CDKAL1: variants seen among roughly 807,000 people sequenced by gnomAD.
CDKAL1 encodes the protein threonylcarbamoyladenosine tRNA methylthiotransferase.
A neutral mutation model predicts 68.2 loss-of-function variants in CDKAL1; 32 were observed. The ratio of observed to expected loss-of-function variants is 0.47; its 90% confidence interval spans 0.35 to 0.63. The LOEUF is 0.63. Among genes scored for constraint, CDKAL1 ranks in the 30% least tolerant of loss-of-function variants. The pLI, the probability that CDKAL1 is intolerant of heterozygous loss-of-function variation, is 0.00. For missense variants in CDKAL1, 606 were observed against 696.7 expected (o/e 0.87, Z 1.47); for synonymous variants, 234 against 244.3 (o/e 0.96, Z 0.39).
intron 13 of CDKAL1, among the ~76,000 whole-genome samples, chr6:21,139,108 A>T (rs1221481760): frequency 1.3e-5 from 2 of 152,246 alleles, no homozygotes; most frequent in African/African-American, 4.8e-5. Flanking sequence ...AGTATTAGCT[A>T]CTAATTGTTG....
chr6:20,608,860 A>T (rs537195461), intron 4 of CDKAL1, among the ~76,000 whole-genome samples: 1 of 152,302 alleles, frequency 6.6e-6, no homozygotes, highest in Non-Finnish European at 1.5e-5. Flanking sequence ...AAGGCTCTCA[A>T]ACTATTGGTG....
intron 9 of CDKAL1, among the ~76,000 whole-genome samples, chr6:20,907,464 G>A (rs1448902343): frequency 6.6e-6 from 1 of 151,914 alleles, no homozygotes; most frequent in East Asian, 1.9e-4. Context: ...ATGTTATATG[G>A]AACATAACGT....
intron 3 of CDKAL1, among the ~76,000 whole-genome samples, 170 bp from the exon 4 acceptor site, chr6:20,548,423 C>A (rs1447974928): frequency 6.6e-6 from 1 of 151,662 alleles, no homozygotes; most frequent in Non-Finnish European, 1.5e-5. Context: ...GTCCCAGCTA[C>A]TTGGGAGGCT....
At chr6:20,957,336 T>C (rs1000426763) in intron 10 of CDKAL1, among the ~76,000 whole-genome samples, 1 of 152,200 alleles carries the variant, frequency 6.6e-6, no homozygotes, top group African/African-American at 2.4e-5. Flanking sequence ...TTTTAATTGA[T>C]TGCAAGATTG....
intron 11 of CDKAL1, among the ~76,000 whole-genome samples, chr6:21,025,562 G>C (rs1768907590): frequency 6.6e-6 from 1 of 152,078 alleles, no homozygotes; most frequent in Non-Finnish European, 1.5e-5. Context: ...TGTTTGTTTG[G>C]GGGTAGGAAT....
chr6:20,775,433 C>T (rs184774991), intron 7 of CDKAL1, among the ~76,000 whole-genome samples: 2 of 152,310 alleles, frequency 1.3e-5, no homozygotes, highest in Admixed American at 6.5e-5. Flanking sequence ...CATCACAGTG[C>T]TAGGCCTCAG....
At chr6:21,079,496 A>G (rs1772261384) in intron 12 of CDKAL1, among the ~76,000 whole-genome samples, 1 of 152,222 alleles carries the variant, frequency 6.6e-6, no homozygotes, top group South Asian at 2.1e-4. Flanking sequence ...CTTTTGGACT[A>G]AATCATTCCA....
intron 11 of CDKAL1, among the ~76,000 whole-genome samples, chr6:21,033,773 C>T (rs1336973359): frequency 6.6e-6 from 1 of 152,104 alleles, no homozygotes; most frequent in Non-Finnish European, 1.5e-5. Context: ...GCTGGCATGG[C>T]ACAGGGACAC....
intron 13 of CDKAL1, among the ~76,000 whole-genome samples, chr6:21,136,329 G>GT (rs1315192498): frequency 1.3e-5 from 2 of 152,196 alleles, no homozygotes; most frequent in Non-Finnish European, 2.9e-5. Context: ...AATACAAACA[G>GT]TAAGATTCTG....
chr6:20,756,067 G>C (rs745480392), intron 6 of CDKAL1: 5 of 152,106 alleles, frequency 3.3e-5, no homozygotes, highest in Non-Finnish European at 5.9e-5. Context: ...GAGACGAAGA[G>C]TTGGCCCTTT....
intron 15 of CDKAL1, among the ~76,000 whole-genome samples, chr6:21,209,308 G>A (rs1481003921): frequency 1.3e-5 from 2 of 152,144 alleles, no homozygotes; most frequent in East Asian, 1.9e-4. Flanking sequence ...AAGGAGCAGT[G>A]AGCCTGGGAC....
At chr6:21,086,620 C>G (rs1403632309) in intron 12 of CDKAL1, among the ~76,000 whole-genome samples, 3 of 152,144 alleles carry the variant, frequency 2.0e-5, no homozygotes, top group Admixed American at 6.5e-5. Context: ...TGAGTCTTCT[C>G]TCTGCTTGCT....
chr6:20,782,759 A>G lies in CDKAL1; in HGVS notation c.638+1494A>G, dbSNP rs147002849. Among the ~76,000 whole-genome samples the G allele has an allele frequency of 8.3e-4, 127 of 152,294 alleles. No homozygotes were observed. In the East Asian group the frequency reaches 0.015, roughly 18 times the overall value. On this transcript the variant is annotated intron_variant, in intron 8 of 15. Transcript: ENST00000274695. ...CCCCAGTGAGTAGAAAATTATACAC[A>G]GTAGGGATTTAATGCATATTTATTT...
At chr6:20,550,641 T>TG (rs983175849) in intron 4 of CDKAL1, among the ~76,000 whole-genome samples, 10 of 152,082 alleles carry the variant, frequency 6.6e-5, no homozygotes, top group African/African-American at 2.4e-4. Flanking sequence ...GAGGTCCTCT[T>TG]GGGGGATGGA....
At chr6:20,820,768 A>T (rs1307358859) in intron 8 of CDKAL1, among the ~76,000 whole-genome samples, 1 of 152,076 alleles carries the variant, frequency 6.6e-6, no homozygotes, top group Non-Finnish European at 1.5e-5. Flanking sequence ...TTGAGGGCCT[A>T]CTGTGTACCA....
At chr6:21,110,986 T>TA (rs1233215198) in intron 13 of CDKAL1, among the ~76,000 whole-genome samples, 6 of 151,946 alleles carry the variant, frequency 3.9e-5, no homozygotes, top group African/African-American at 1.5e-4. Flanking sequence ...ACATTTTTTT[T>TA]TAAAATAATT....
chr6:20,992,344 A>G (rs115599175), intron 10 of CDKAL1, among the ~76,000 whole-genome samples: 16,366 of 151,546 alleles, frequency 0.11, 1,662 homozygotes, highest in African/African-American at 0.27. Flanking sequence ...TGGGATTACT[A>G]GTGTGAGCCA....
At chr6:21,189,493 A>AGC (rs1308523008) in intron 13 of CDKAL1, among the ~76,000 whole-genome samples, 37 of 152,218 alleles carry the variant, frequency 2.4e-4, no homozygotes, top group African/African-American at 8.7e-4. Context: ...GTTTTCAAAT[A>AGC]ATCTAATGAA....
At chr6:20,557,062 T>TAA (rs1561923510) in intron 4 of CDKAL1, among the ~76,000 whole-genome samples, 2 of 134,736 alleles carry the variant, frequency 1.5e-5, no homozygotes, top group Non-Finnish European at 3.3e-5. Flanking sequence ...AATAAATAAA[T>TAA]AAATAAATAA....
Sources: gnomAD v4.1 joint callset for allele counts (sites outside exome capture counted in the v4.1 genomes callset) on GRCh38, gnomAD v4.1.1 for gene constraint, MANE v1.5 for transcripts, NCBI Gene and HGNC (gene_info 2026-07-23, HGNC 2026-07-21) for gene names.